ROBO1: variants seen among roughly 807,000 people sequenced by gnomAD.
ROBO1 encodes roundabout guidance receptor 1.
In ROBO1, 149 loss-of-function variants were observed where a neutral mutation model predicts 195.9. That is an observed-to-expected ratio of 0.76 (90% CI 0.67 to 0.87). ROBO1 has a LOEUF of 0.87. Among genes scored for constraint, ROBO1 ranks in the 40% least tolerant of loss-of-function variants. The probability of loss-of-function intolerance (pLI) is 0.00; values close to 1 mark genes in which losing one functional copy is unlikely to be tolerated. For synonymous variants in ROBO1, 816 were observed against 733.2 expected, an observed-to-expected ratio of 1.11 and a Z score of -1.82; for missense variants, 1,933 against 2,068.3, an observed-to-expected ratio of 0.93 and a Z score of 1.27.
chr3:78,988,102 T>C lies in ROBO1; in HGVS notation c.173-49175A>G, dbSNP rs17016670. Among the ~76,000 whole-genome samples, 524 of 152,242 alleles carry C rather than the reference T, an allele frequency of 3.4e-3. 2 individuals are homozygous for C. The highest frequency in any genetic ancestry group is 0.012 in the African/African-American group (493 of 41,542). Reference sequence around the variant, plus strand: ...TTTAGCATCATGGATAGTGAAATAATCTTGGGAAAGAGCTGTGATCATGTA... The same window carrying C: ...TTTAGCATCATGGATAGTGAAATAACCTTGGGAAAGAGCTGTGATCATGTA... On this transcript the variant is annotated intron_variant, in intron 3 of 30. Coordinates refer to ENST00000464233, the MANE Select transcript of ROBO1 (RefSeq NM_002941.4).
chr3:79,503,708 C>T lies in ROBO1; in HGVS notation c.88+86116G>A, dbSNP rs563736823. ...GTCTGTTTAGACTTCATAATTGTCT[C>T]TGAGAAATCTGTTTTCAGTCTACTA... On this transcript the variant is annotated intron_variant, in intron 2 of 30. Transcript: ENST00000464233. Among the ~76,000 whole-genome samples, 7 of 152,274 alleles carry T rather than the reference C, an allele frequency of 4.6e-5. 1 individual carries two copies. The highest frequency in any genetic ancestry group is 6.8e-3 in the Middle Eastern group (2 of 294).
chr3:79,056,213 C>T (rs944711348), intron 3 of ROBO1, among the ~76,000 whole-genome samples: 2 of 152,110 alleles, frequency 1.3e-5, no homozygotes, highest in African/African-American at 4.8e-5. Flanking sequence ...GAGCCTGCAG[C>T]TTGCTATCAA....
chr3:79,491,840 AC>A (rs1939473682), intron 2 of ROBO1, among the ~76,000 whole-genome samples: 1 of 151,036 alleles, frequency 6.6e-6, no homozygotes, highest in African/African-American at 2.4e-5. Context: ...CAATGACCTC[AC>A]CATGTCCAGT....
intron 5 of ROBO1, among the ~76,000 whole-genome samples, chr3:78,729,037 A>C (rs1369270075): frequency 6.6e-6 from 1 of 152,230 alleles, no homozygotes; most frequent in Admixed American, 6.5e-5. Context: ...GGCTCTTTGC[A>C]CAGCTTGGTG....
intron 2 of ROBO1, among the ~76,000 whole-genome samples, chr3:79,230,894 A>G (rs1391028296): frequency 6.6e-6 from 1 of 152,166 alleles, no homozygotes; most frequent in Non-Finnish European, 1.5e-5. Context: ...GAGACAGAAT[A>G]GACAACCCAA....
chr3:79,427,443 G>C (rs917453683), intron 2 of ROBO1, among the ~76,000 whole-genome samples: 1 of 152,096 alleles, frequency 6.6e-6, no homozygotes, highest in African/African-American at 2.4e-5. Context: ...TGTGTTTAGG[G>C]GACGCAATTC....
chr3:79,151,026 G>A (rs368980487), intron 2 of ROBO1, among the ~76,000 whole-genome samples: 26 of 151,812 alleles, frequency 1.7e-4, no homozygotes, highest in East Asian at 3.9e-4. Flanking sequence ...TGGTTTCTCC[G>A]TACTGTTCAC....
chr3:78,743,952 G>T (rs1197607786), intron 5 of ROBO1, among the ~76,000 whole-genome samples: 1 of 152,208 alleles, frequency 6.6e-6, no homozygotes, highest in Non-Finnish European at 1.5e-5. Context: ...GAACTGCATA[G>T]TAATGAGTAC....
intron 2 of ROBO1, among the ~76,000 whole-genome samples, chr3:79,371,803 T>A (rs2036203440): frequency 6.6e-6 from 1 of 152,270 alleles, no homozygotes; most frequent in South Asian, 2.1e-4. Flanking sequence ...TAAAGTTAAA[T>A]GGATTTATAA....
At chr3:79,030,249 T>C (rs1205930497) in intron 3 of ROBO1, among the ~76,000 whole-genome samples, 3 of 152,168 alleles carry the variant, frequency 2.0e-5, no homozygotes, top group South Asian at 2.1e-4. Flanking sequence ...CCAGAGACAT[T>C]TGTGGTTGTC....
chr3:78,986,827 T>C (rs2077117382), intron 3 of ROBO1, among the ~76,000 whole-genome samples: 1 of 152,126 alleles, frequency 6.6e-6, no homozygotes, highest in African/African-American at 2.4e-5. Flanking sequence ...TTAGTCTCCT[T>C]TGACTCAAAG....
chr3:79,070,835 T>A (rs1167714144), intron 3 of ROBO1, among the ~76,000 whole-genome samples: 1 of 151,806 alleles, frequency 6.6e-6, no homozygotes, highest in Non-Finnish European at 1.5e-5. Context: ...TGTCTTTCTA[T>A]CTTTAATGCC....
At chr3:79,004,128 C>T (rs896956235) in intron 3 of ROBO1, among the ~76,000 whole-genome samples, 5 of 152,060 alleles carry the variant, frequency 3.3e-5, no homozygotes, top group African/African-American at 7.2e-5. Flanking sequence ...CTGTTGAGTG[C>T]CCCCATTTAT....
chr3:79,685,501 A>G (rs1947076524), intron 1 of ROBO1, among the ~76,000 whole-genome samples: 1 of 152,204 alleles, frequency 6.6e-6, no homozygotes, highest in South Asian at 2.1e-4. Flanking sequence ...ACATGTGATG[A>G]CTTTGCCTTT....
intron 3 of ROBO1, among the ~76,000 whole-genome samples, chr3:79,107,581 G>A (rs2108524894): frequency 1.3e-5 from 2 of 151,728 alleles, no homozygotes; most frequent in South Asian, 4.1e-4. Flanking sequence ...GTGATTATAG[G>A]TGGCTGAAAA....
intron 2 of ROBO1, among the ~76,000 whole-genome samples, chr3:79,302,226 C>T (rs2032995134): frequency 6.6e-6 from 1 of 152,214 alleles, no homozygotes; most frequent in Non-Finnish European, 1.5e-5. Context: ...AGGAGTATTT[C>T]CACATTTATA....
chr3:79,129,099 A>G (rs1444386652), intron 2 of ROBO1, among the ~76,000 whole-genome samples: 2 of 152,170 alleles, frequency 1.3e-5, no homozygotes, highest in African/African-American at 2.4e-5. Flanking sequence ...TGGTGATTCA[A>G]CTTCATGTAA....
chr3:79,699,038 G>C (rs1947530829), intron 1 of ROBO1, among the ~76,000 whole-genome samples: 1 of 150,148 alleles, frequency 6.7e-6, no homozygotes, highest in South Asian at 2.1e-4. Context: ...TTTTCAAAGA[G>C]AGATCATTAA....
intron 5 of ROBO1, among the ~76,000 whole-genome samples, chr3:78,745,639 G>A (rs994906490): frequency 3.3e-5 from 5 of 152,070 alleles, no homozygotes; most frequent in Non-Finnish European, 7.3e-5. Context: ...CTTTTGTCAT[G>A]TGACTCTGCA....
Sources: allele counts gnomAD v4.1 joint callset (sites outside exome capture counted in the v4.1 genomes callset), GRCh38; gene constraint gnomAD v4.1.1; transcripts MANE v1.5; gene names NCBI Gene and HGNC (gene_info 2026-07-23, HGNC 2026-07-21).